Variants in COL11A1 observed in about 807,000 individuals in gnomAD.
COL11A1 encodes the protein collagen type XI alpha 1 chain, also known as collagen alpha-1(XI) chain.
In COL11A1, 74 loss-of-function variants were observed where a neutral mutation model predicts 265.2. That is an observed-to-expected ratio of 0.28 (90% CI 0.23 to 0.34). COL11A1 has a LOEUF of 0.34. Ranked by LOEUF, COL11A1 falls within the 10% of genes least tolerant of loss-of-function variation. COL11A1 has a pLI of 1.00. For missense variants in COL11A1, 2,165 were observed against 2,263.6 expected, an observed-to-expected ratio of 0.96 and a Z score of 0.88; for synonymous variants, 816 against 727.6, an observed-to-expected ratio of 1.12 and a Z score of -1.96.
intron 62 of COL11A1, among the ~76,000 whole-genome samples, chr1:102,887,526 T>C (rs1219584672): frequency 1.3e-5 from 2 of 152,182 alleles, no homozygotes; most frequent in Non-Finnish European, 2.9e-5. Context: ...ATTAGTTTGC[T>C]TCAAATATGT....
intron 35 of COL11A1, among the ~76,000 whole-genome samples, chr1:102,976,288 G>GTTTTT (rs1557893410): frequency 1.6e-3 from 71 of 45,206 alleles, no homozygotes; most frequent in East Asian, 8.1e-3. Flanking sequence ...GAAAACGTTG[G>GTTTTT]CTTTTTTTTT....
chr1:103,035,932 A>G (rs1050215538), intron 4 of COL11A1, among the ~76,000 whole-genome samples: 2 of 152,006 alleles, frequency 1.3e-5, no homozygotes, highest in African/African-American at 2.4e-5. Flanking sequence ...TACTGATAGT[A>G]TTTCTCAAAT....
At chr1:103,096,376 A>C (rs1206324556) in intron 1 of COL11A1, among the ~76,000 whole-genome samples, 1 of 152,022 alleles carries the variant, frequency 6.6e-6, no homozygotes, top group African/African-American at 2.4e-5. Flanking sequence ...AGAGAAAATG[A>C]GTAAAGCTTA....
chr1:103,021,674 C>A (rs764159582), intron 9 of COL11A1, 33 bp downstream of exon 9: 1 of 1,477,172 alleles, frequency 6.8e-7, no homozygotes, highest in Non-Finnish European at 9.5e-7. Flanking sequence ...GCAATTTTAC[C>A]AACCTTTAAA....
chr1:102,904,541 A>C (rs1409651448), intron 54 of COL11A1, among the ~76,000 whole-genome samples: 1 of 151,992 alleles, frequency 6.6e-6, no homozygotes. Context: ...AAAAACAAAC[A>C]ACCCCATCAA....
Position 102,915,610 on chromosome 1 carries a change from TAAC to T in COL11A1, c.3816+18_3816+20del, listed in dbSNP as rs778275647. ...TTCCCAAACCAATAATACACTATGT[TAAC>T]AATAACACAGTACTTACGCCTACAC... is the stretch of plus-strand genomic sequence containing the variant. On this transcript the variant is annotated intron_variant, in intron 50 of 66. Coordinates refer to ENST00000370096, the MANE Select transcript of COL11A1 (RefSeq NM_001854.4). 1.2e-5 allele frequency: 19 copies of T among 1,607,010 alleles called. No homozygotes were observed. Among genetic ancestry groups the T allele is most frequent in the Non-Finnish European group, 1.6e-5 (19 of 1,173,698 alleles).
intron 1 of COL11A1, among the ~76,000 whole-genome samples, chr1:103,104,003 A>T (rs1047361359): frequency 6.6e-6 from 1 of 152,028 alleles, no homozygotes; most frequent in Admixed American, 6.6e-5. Flanking sequence ...TTACAAGAAT[A>T]TTTTTTATGA....
Position 102,890,513 on chromosome 1 carries a change from T to G in COL11A1, c.4303-9A>C. 6.3e-7 allele frequency: 1 copy of G among 1,583,236 alleles called. No homozygotes were observed. Among genetic ancestry groups the G allele is most frequent in the South Asian group, 1.2e-5 (1 of 86,214 alleles). ...GGTAAGCCAGGAGGTCCCTAAATAA[T>G]AACAAAAAAAAAACCCCAAAACAAA... On this transcript the variant is annotated splice_polypyrimidine_tract_variant and intron_variant, in intron 57 of 66. Coordinates refer to ENST00000370096, the MANE Select transcript of COL11A1 (RefSeq NM_001854.4).
chr1:102,977,181 G>A (rs1179528946), intron 35 of COL11A1, among the ~76,000 whole-genome samples: 2 of 151,896 alleles, frequency 1.3e-5, no homozygotes, highest in Non-Finnish European at 2.9e-5. Flanking sequence ...CATTACTTTT[G>A]CCATTTTTCA....
intron 4 of COL11A1, among the ~76,000 whole-genome samples, chr1:103,056,399 T>C (rs1571172195): frequency 6.6e-6 from 1 of 152,192 alleles, no homozygotes; most frequent in South Asian, 2.1e-4. Context: ...CTTCTGAATT[T>C]ATGTTATGTG....
At chr1:102,916,900 G>A (rs12118250) in intron 49 of COL11A1, among the ~76,000 whole-genome samples, 13,918 of 151,846 alleles carry the variant, frequency 0.092, 741 homozygotes, top group Middle Eastern at 0.13. Context: ...TGTTAGTGAT[G>A]TTTCCAAGGG....
chr1:102,916,602 T>C (rs12121979), intron 49 of COL11A1, among the ~76,000 whole-genome samples: 13,946 of 152,086 alleles, frequency 0.092, 739 homozygotes, highest in Middle Eastern at 0.13. Context: ...CTTAAATAAA[T>C]GTGTCATATT....
intron 42 of COL11A1, among the ~76,000 whole-genome samples, chr1:102,941,942 C>T (rs991171148): frequency 3.9e-5 from 6 of 152,116 alleles, no homozygotes; most frequent in African/African-American, 1.2e-4. Context: ...ACTGTTGCTA[C>T]ATTACTTAAT....
intron 49 of COL11A1, among the ~76,000 whole-genome samples, chr1:102,915,929 G>C (rs1271204837): frequency 2.6e-5 from 4 of 152,096 alleles, no homozygotes; most frequent in Non-Finnish European, 5.9e-5. Flanking sequence ...TTAATAGTTG[G>C]CATATTAATC....
chr1:102,978,634 T>G (rs980546418), intron 35 of COL11A1, 74 bp downstream of exon 35: 8 of 1,500,818 alleles, frequency 5.3e-6, no homozygotes, highest in African/African-American at 1.4e-5. Flanking sequence ...CAGACATATA[T>G]CTTTTCTCTG....
intron 1 of COL11A1, among the ~76,000 whole-genome samples, chr1:103,085,432 T>G (rs1672771474): frequency 6.6e-6 from 1 of 152,072 alleles, no homozygotes; most frequent in Non-Finnish European, 1.5e-5. Flanking sequence ...GTACACATTT[T>G]GGGGATGTGG....
chr1:103,097,688 C>T (rs895361768), intron 1 of COL11A1, among the ~76,000 whole-genome samples: 9 of 151,860 alleles, frequency 5.9e-5, no homozygotes, highest in African/African-American at 1.5e-4. Context: ...CTGTACTTGT[C>T]GAACGTGGCA....
At chr1:102,921,395 GTTCT>G (rs1655972531) in intron 48 of COL11A1, 119 bp downstream of exon 48, 1 of 756,358 alleles carries the variant, frequency 1.3e-6, no homozygotes, top group African/African-American at 1.8e-5. Flanking sequence ...TGACCCTTGA[GTTCT>G]TAACCACTTA....
chr1:102,880,082 C>A, intron 65 of COL11A1, 166 bp from the exon 66 acceptor site: 1 of 601,962 alleles, frequency 1.7e-6, no homozygotes. Flanking sequence ...GTCAGAAGAC[C>A]CAGAGACAAG....
Sources: allele counts gnomAD v4.1 joint callset (sites outside exome capture counted in the v4.1 genomes callset), GRCh38; gene constraint gnomAD v4.1.1; transcripts MANE v1.5; gene names NCBI Gene and HGNC (gene_info 2026-07-23, HGNC 2026-07-21).